The following OSBPL10 variants were observed in gnomAD, a reference collection of about 807,000 sequenced individuals.
OSBPL10 encodes oxysterol binding protein like 10.
A neutral mutation model predicts 81.7 loss-of-function variants in OSBPL10; 49 were observed. The observed-to-expected ratio is 0.60, with a 90% CI of 0.48 to 0.76. The LOEUF is 0.76. Among genes scored for constraint, OSBPL10 ranks in the 30% least tolerant of loss-of-function variants. OSBPL10 has a pLI of 0.00. For missense variants in OSBPL10, 923 were observed against 987.8 expected, an observed-to-expected ratio of 0.93 and a Z score of 0.88; for synonymous variants, 419 against 383.6, an observed-to-expected ratio of 1.09 and a Z score of -1.08.
intron 1 of OSBPL10, among the ~76,000 whole-genome samples, chr3:31,927,285 G>T (rs566957049): frequency 3.3e-5 from 5 of 152,294 alleles, no homozygotes; most frequent in East Asian, 1.9e-4. Context: ...ATATGTAAAA[G>T]AAACTCTGGA....
At position 31,743,031 on chromosome 3, in the gene OSBPL10, G is replaced by GTTGT. The variant is rs1697401610; in HGVS notation, c.940+4878_940+4879insACAA. Reference sequence around the variant, plus strand: ...AAGTCTTGACCGAAAAGCTAAATTAGTTTTTTTTTTTTTTTTTTTTTTTTT... The same window carrying GTTGT: ...AAGTCTTGACCGAAAAGCTAAATTAGTTGTTTTTTTTTTTTTTTTTTTTTTTTTT... On this transcript the variant is annotated intron_variant, in intron 5 of 11. Transcript: ENST00000396556. 5.2e-5 allele frequency among the ~76,000 whole-genome samples: 3 copies of GTTGT among 57,508 alleles called. No homozygotes were observed. In the South Asian group the frequency reaches 2.7e-3, roughly 52 times the overall value. The allele number at this position is 57,508 out of a possible 152,430, so 37.7% of individuals were successfully genotyped here.
At chr3:32,013,193 A>C (rs1298118204) in intron 2 of OSBPL10, among the ~76,000 whole-genome samples, 3 of 152,206 alleles carry the variant, frequency 2.0e-5, no homozygotes, top group African/African-American at 7.2e-5. Flanking sequence ...CATAGTTGGA[A>C]GTAAAGCACT....
chr3:31,946,865 G>A (rs1697718312), intron 1 of OSBPL10, among the ~76,000 whole-genome samples: 1 of 150,498 alleles, frequency 6.6e-6, no homozygotes, highest in Non-Finnish European at 1.5e-5. Flanking sequence ...AAGAAGAGGA[G>A]CTTGGGCTCA....
intron 2 of OSBPL10, among the ~76,000 whole-genome samples, chr3:32,012,504 T>A (rs887527362): frequency 1.3e-5 from 2 of 152,098 alleles, no homozygotes; most frequent in African/African-American, 2.4e-5. Flanking sequence ...AATTGTAAAG[T>A]CCATCGATGC....
At chr3:31,888,344 A>G (rs2125653450) in intron 1 of OSBPL10, among the ~76,000 whole-genome samples, 1 of 152,330 alleles carries the variant, frequency 6.6e-6, no homozygotes, top group South Asian at 2.1e-4. Flanking sequence ...TAAATGTAAG[A>G]CCTGAAAACT....
intron 7 of OSBPL10, 140 bp downstream of exon 7, chr3:31,702,219 A>G: frequency 4.0e-6 from 4 of 996,478 alleles, no homozygotes; most frequent in Non-Finnish European, 5.8e-6. Flanking sequence ...GAATATCCAT[A>G]CTTGAAAGCA....
chr3:31,940,677 G>T (rs1025316837), intron 1 of OSBPL10, among the ~76,000 whole-genome samples: 1 of 151,990 alleles, frequency 6.6e-6, no homozygotes, highest in Non-Finnish European at 1.5e-5. Flanking sequence ...CCAAATAGAT[G>T]ATGTTCTCCT....
chr3:31,665,553 G>A lies in OSBPL10; in HGVS notation c.2097-1321C>T, dbSNP rs531324163. On this transcript the variant is annotated intron_variant, in intron 10 of 11. Transcript: ENST00000396556. ...TAGGGACAGCCAGCAGCACCTCCTG[G>A]GGGTACAGATGCCAACAGAAGAAAC... Among the ~76,000 whole-genome samples the A allele has an allele frequency of 2.4e-3, 360 of 152,280 alleles. 1 individual carries two copies. Among genetic ancestry groups the A allele is most frequent in the Non-Finnish European group, 4.1e-3 (278 of 68,020 alleles).
At chr3:32,066,575 C>T (rs965537219) in intron 1 of OSBPL10, 2 of 152,258 alleles carry the variant, frequency 1.3e-5, no homozygotes, top group African/African-American at 2.4e-5. Flanking sequence ...AACTCAGTGA[C>T]AGGAGCAGCT....
chr3:32,046,310 T>C (rs1699621099), intron 2 of OSBPL10, among the ~76,000 whole-genome samples: 1 of 152,214 alleles, frequency 6.6e-6, no homozygotes, highest in Non-Finnish European at 1.5e-5. Context: ...CAAAATGTGT[T>C]AAAATGTGTC....
At chr3:31,737,420 G>A (rs544105811) in intron 5 of OSBPL10, among the ~76,000 whole-genome samples, 21 of 152,188 alleles carry the variant, frequency 1.4e-4, no homozygotes, top group East Asian at 1.2e-3. Flanking sequence ...CACCAGGAAA[G>A]GTGTTTCCTC....
At position 31,683,798 on chromosome 3, in the gene OSBPL10, G is replaced by A; in HGVS notation, c.1562C>T (p.Ser521Phe). ...CHEHPMADDP[S>F]KSYKLRFVAE... ...CACAAACCTTAGTTTGTAGCTTTTG[G>A]AAGGGTCATCGGCCATTGGGTGTTC... The change falls in exon 8 of 12, where the codon TCC (serine) becomes TTC (phenylalanine). Residue 521 changes from serine to phenylalanine, a missense_variant. By Grantham distance (155) the Ser-to-Phe change is radical. Coordinates refer to ENST00000396556, the MANE Select transcript of OSBPL10 (RefSeq NM_017784.5). The A allele has an allele frequency of 6.2e-7, 1 of 1,614,200 alleles. No homozygotes were observed. Among genetic ancestry groups the A allele is most frequent in the Non-Finnish European group, 8.5e-7 (1 of 1,180,046 alleles).
intron 4 of OSBPL10, among the ~76,000 whole-genome samples, chr3:31,810,565 T>C (rs1049354977): frequency 6.6e-6 from 1 of 152,082 alleles, no homozygotes; most frequent in African/African-American, 2.4e-5. Flanking sequence ...GTGAATTATC[T>C]TAATATATAC....
chr3:31,950,526 T>G (rs140898910), intron 1 of OSBPL10, among the ~76,000 whole-genome samples: 5 of 152,212 alleles, frequency 3.3e-5, no homozygotes, highest in African/African-American at 1.2e-4. Flanking sequence ...AACTGGCACA[T>G]CCACTTTAGA....
At chr3:31,740,870 T>TATATATATATATATATA (rs1553620070) in intron 5 of OSBPL10, among the ~76,000 whole-genome samples, 5 of 149,522 alleles carry the variant, frequency 3.3e-5, no homozygotes, top group African/African-American at 7.6e-5. Flanking sequence ...TATATATATG[T>TATATATATATATATATA]CATATTTCTT....
In OSBPL10 at chr3:31,798,197, G is replaced by A. The variant is rs570402595; in HGVS notation, c.729+31843C>T. Among the ~76,000 whole-genome samples the A allele has an allele frequency of 7.2e-5, 11 of 152,258 alleles. No homozygotes were observed. The South Asian group carries it at 1.0e-3, about 14-fold the overall frequency. On this transcript the variant is annotated intron_variant, in intron 4 of 11. Transcript: ENST00000396556. ...TGTAATCCCAGCACTTTGGGAGGCC[G>A]AGGCAGGTGGATCACCTGAGGTCAG...
chr3:31,918,339 T>G (rs1559517845), intron 1 of OSBPL10, among the ~76,000 whole-genome samples: 1 of 151,946 alleles, frequency 6.6e-6, no homozygotes, highest in Non-Finnish European at 1.5e-5. Context: ...CTTTTTTTTT[T>G]TTTTAAAGAG....
chr3:31,723,090 C>G (rs1696699520), intron 6 of OSBPL10, among the ~76,000 whole-genome samples: 1 of 152,192 alleles, frequency 6.6e-6, no homozygotes. Context: ...ATGTCCACCA[C>G]TCTTCTTATA....
chr3:31,724,856 G>A (rs142928713), intron 6 of OSBPL10, among the ~76,000 whole-genome samples: 21 of 152,198 alleles, frequency 1.4e-4, no homozygotes, highest in Admixed American at 1.4e-3. Context: ...TTGCAAGACA[G>A]ACAGGAGGAG....
Sources: allele counts gnomAD v4.1 joint callset (sites outside exome capture counted in the v4.1 genomes callset), GRCh38; gene constraint gnomAD v4.1.1; transcripts MANE v1.5; gene names NCBI Gene and HGNC (gene_info 2026-07-23, HGNC 2026-07-21).